Variants in ARHGAP28 observed in about 807,000 individuals in gnomAD.
The protein encoded by ARHGAP28 is Rho GTPase activating protein 28.
Under a neutral mutation model 90.7 loss-of-function variants are expected in ARHGAP28, and 56 were observed. The ratio of observed to expected loss-of-function variants is 0.62; its 90% CI spans 0.50 to 0.77. The LOEUF is 0.77. Among genes scored for constraint, ARHGAP28 ranks in the 30% least tolerant of loss-of-function variants. The probability of loss-of-function intolerance (pLI) is 0.00; values close to 1 mark genes in which losing one functional copy is unlikely to be tolerated. For missense variants in ARHGAP28, 869 were observed against 900.9 expected (o/e 0.96, Z 0.45); for synonymous variants, 308 against 323.3 (o/e 0.95, Z 0.51).
intron 1 of ARHGAP28, chr18:6,791,647 C>T (rs572702464): frequency 6.6e-6 from 1 of 152,114 alleles, no homozygotes; most frequent in Non-Finnish European, 1.5e-5. Flanking sequence ...TGTGGTGCCG[C>T]AGATGACTTG....
chr18:6,836,929 G>A (rs1354343880), intron 2 of ARHGAP28, among the ~76,000 whole-genome samples: 5 of 152,008 alleles, frequency 3.3e-5, no homozygotes, highest in Non-Finnish European at 5.9e-5. Context: ...GAAATTAGTA[G>A]GACAGATATG....
chr18:6,909,901 T>C (rs965783268), intron 17 of ARHGAP28, among the ~76,000 whole-genome samples: 2 of 152,134 alleles, frequency 1.3e-5, no homozygotes, highest in African/African-American at 4.8e-5. Context: ...CTCCCAACTG[T>C]AGCATTTCCA....
chr18:6,811,193 T>C (rs1303482747), intron 1 of ARHGAP28, among the ~76,000 whole-genome samples: 1 of 152,228 alleles, frequency 6.6e-6, no homozygotes, highest in African/African-American at 2.4e-5. Context: ...GGATTCTTAA[T>C]CTTGCTGCTG....
chr18:6,839,532 C>CGG (rs1218102359), intron 3 of ARHGAP28, among the ~76,000 whole-genome samples: 2 of 152,110 alleles, frequency 1.3e-5, no homozygotes, highest in African/African-American at 2.4e-5. Context: ...TTCCTGACCT[C>CGG]GTGATCCGCC....
intron 1 of ARHGAP28, among the ~76,000 whole-genome samples, chr18:6,776,128 A>T (rs1223320056): frequency 6.6e-6 from 1 of 152,184 alleles, no homozygotes; most frequent in African/African-American, 2.4e-5. Context: ...TAGGAAAAAA[A>T]TAACAATATA....
chr18:6,776,406 A>G (rs1405104381), intron 1 of ARHGAP28, among the ~76,000 whole-genome samples: 2 of 152,198 alleles, frequency 1.3e-5, no homozygotes, highest in African/African-American at 4.8e-5. Flanking sequence ...GTCAAGATGT[A>G]CAGTATTAAT....
At chr18:6,805,595 C>T (rs1600201329) in intron 1 of ARHGAP28, among the ~76,000 whole-genome samples, 1 of 148,692 alleles carries the variant, frequency 6.7e-6, no homozygotes, top group African/African-American at 2.5e-5. Context: ...AAACGATTCT[C>T]CTTCCTCAGC....
intron 1 of ARHGAP28, among the ~76,000 whole-genome samples, chr18:6,775,404 T>G (rs776805792): frequency 1.3e-5 from 2 of 152,254 alleles, no homozygotes; most frequent in African/African-American, 2.4e-5. Flanking sequence ...AAGTCAAGTC[T>G]TCTTTGACTC....
At chr18:6,890,162 A>G (rs2057253669) in intron 13 of ARHGAP28, 77 bp downstream of exon 13, 4 of 1,515,312 alleles carry the variant, frequency 2.6e-6, no homozygotes, top group Non-Finnish European at 3.7e-6. Context: ...TGATTGGGCA[A>G]CTCCCTTGGT....
At chr18:6,757,784 C>T (rs1369795757) in intron 1 of ARHGAP28, among the ~76,000 whole-genome samples, 1 of 152,092 alleles carries the variant, frequency 6.6e-6, no homozygotes, top group African/African-American at 2.4e-5. Context: ...CTTTAAAAAT[C>T]TGGTGGAGTC....
intron 1 of ARHGAP28, among the ~76,000 whole-genome samples, chr18:6,807,229 C>T (rs1381833749): frequency 6.6e-6 from 1 of 152,084 alleles, no homozygotes; most frequent in African/African-American, 2.4e-5. Context: ...CTTAAACATG[C>T]AGAATAAAGT....
At chr18:6,877,750 T>C (rs2057143320) in intron 10 of ARHGAP28, among the ~76,000 whole-genome samples, 1 of 152,222 alleles carries the variant, frequency 6.6e-6, no homozygotes, top group Non-Finnish European at 1.5e-5. Context: ...TGTGTTTCGT[T>C]CTTACATACT....
intron 1 of ARHGAP28, among the ~76,000 whole-genome samples, chr18:6,770,765 G>A (rs2056236077): frequency 6.6e-6 from 1 of 152,092 alleles, no homozygotes; most frequent in Non-Finnish European, 1.5e-5. Context: ...GAGTGAAGGG[G>A]AGAGGGAAGA....
chr18:6,794,940 C>T (rs1055444657), intron 1 of ARHGAP28, among the ~76,000 whole-genome samples: 2 of 152,114 alleles, frequency 1.3e-5, no homozygotes, highest in African/African-American at 4.8e-5. Flanking sequence ...GCCTGGGCCT[C>T]CCAAAGTGCT....
chr18:6,781,159 T>G (rs1031690861), intron 1 of ARHGAP28, among the ~76,000 whole-genome samples: 2 of 152,198 alleles, frequency 1.3e-5, no homozygotes, highest in Non-Finnish European at 1.5e-5. Flanking sequence ...CTATTGCTGC[T>G]GGAAGCCATT....
chr18:6,793,451 A>G (rs1022750238), intron 1 of ARHGAP28, among the ~76,000 whole-genome samples: 1 of 152,188 alleles, frequency 6.6e-6, no homozygotes, highest in Admixed American at 6.5e-5. Flanking sequence ...GCCAAAGGGA[A>G]TGGACGGCTT....
chr18:6,730,680 A>T (rs2055873321), intron 1 of ARHGAP28, among the ~76,000 whole-genome samples: 1 of 152,200 alleles, frequency 6.6e-6, no homozygotes, highest in Non-Finnish European at 1.5e-5. Context: ...TGAGACTTTC[A>T]TTAACTGAAA....
intron 1 of ARHGAP28, among the ~76,000 whole-genome samples, chr18:6,752,112 CTTAA>C (rs1451705141): frequency 6.6e-6 from 1 of 152,168 alleles, no homozygotes; most frequent in Non-Finnish European, 1.5e-5. Context: ...ATTATATGCA[CTTAA>C]TTGACATTAG....
chr18:6,888,834 T>G (rs2057242360), intron 12 of ARHGAP28, among the ~76,000 whole-genome samples: 1 of 152,136 alleles, frequency 6.6e-6, no homozygotes, highest in South Asian at 2.1e-4. Flanking sequence ...CTCTAATTTT[T>G]TATTCTAAAT....
Sources: gnomAD v4.1 joint callset for allele counts (sites outside exome capture counted in the v4.1 genomes callset) on GRCh38, gnomAD v4.1.1 for gene constraint, MANE v1.5 for transcripts, NCBI Gene and HGNC (gene_info 2026-07-23, HGNC 2026-07-21) for gene names.